Variants in PIK3C2A observed in about 807,000 individuals in gnomAD.
The protein encoded by PIK3C2A is phosphatidylinositol 4-phosphate 3-kinase C2 domain-containing subunit alpha.
In PIK3C2A, 97 loss-of-function variants were observed where a neutral mutation model predicts 204.5. The ratio of observed to expected loss-of-function variants is 0.47; its 90% CI spans 0.40 to 0.56. PIK3C2A has a LOEUF of 0.56. Among genes scored for constraint, PIK3C2A ranks in the 20% least tolerant of loss-of-function variants. PIK3C2A has a pLI of 0.00. For missense variants in PIK3C2A, 1,735 were observed against 1,969.2 expected (o/e 0.88, Z 2.25); for synonymous variants, 653 against 664.4 (o/e 0.98, Z 0.26).
intron 14 of PIK3C2A, 48 bp downstream of exon 14, chr11:17,122,654 G>T (rs552675984): frequency 8.1e-6 from 7 of 863,036 alleles, no homozygotes; most frequent in South Asian, 5.9e-5. Context: ...CACATTTTAT[G>T]AAGAAATTTA....
intron 2 of PIK3C2A, among the ~76,000 whole-genome samples, chr11:17,156,855 T>C (rs1482017304): frequency 6.6e-6 from 1 of 152,092 alleles, no homozygotes; most frequent in African/African-American, 2.4e-5. Context: ...TGAATATCAA[T>C]GTAGCCAGGT....
chr11:17,113,597 C>A (rs1849069579), intron 20 of PIK3C2A, among the ~76,000 whole-genome samples: 3 of 151,436 alleles, frequency 2.0e-5, no homozygotes, highest in Admixed American at 1.3e-4. Context: ...GCCTGGCCAA[C>A]ACGGCGAAAC....
chr11:17,114,336 A>G, intron 20 of PIK3C2A, 25 bp downstream of exon 20: 1 of 1,130,252 alleles, frequency 8.8e-7, no homozygotes, highest in Non-Finnish European at 1.4e-6. Context: ...ATGTAATATG[A>G]ACTTATAAGT....
intron 1 of PIK3C2A, among the ~76,000 whole-genome samples, chr11:17,170,809 AAGGTATATGAC>A (rs765419286): frequency 2.6e-5 from 4 of 152,150 alleles, no homozygotes; most frequent in Non-Finnish European, 4.4e-5. Flanking sequence ...TTAGTTTAAG[AAGGTATATGAC>A]TGGCCGGGCT....
chr11:17,153,349 C>T (rs113433264), intron 3 of PIK3C2A, among the ~76,000 whole-genome samples: 9 of 151,606 alleles, frequency 5.9e-5, no homozygotes, highest in African/African-American at 9.7e-5. Context: ...GCAGGAGAAT[C>T]GCTTGAACCT....
chr11:17,132,774 T>C (rs371480679), intron 11 of PIK3C2A, among the ~76,000 whole-genome samples: 1 of 152,198 alleles, frequency 6.6e-6, no homozygotes, highest in African/African-American at 2.4e-5. Context: ...GCTACTGAAA[T>C]AGAGTCAGCT....
Position 17,097,064 on chromosome 11 carries a change from T to C in PIK3C2A, c.4319A>G (p.Lys1440Arg), listed in dbSNP as rs777081916. Residue 1440 changes from lysine (K) to arginine (R), a missense_variant, in exon 27 of 33, where the codon AAA (lysine) becomes AGA (arginine). Lys to Arg is a conservative substitution (Grantham distance 26, BLOSUM62 2). Transcript: ENST00000691414. The stretch of plus-strand genomic sequence containing the variant: ...TATTGAAATCAAACTTACATAATGT[T>C]TATCTGGGTTGTATTTCTTATGATA... ...FTYHKKYNPDKHYIYVVRILR... is the reference protein window; with the variant it reads ...FTYHKKYNPDRHYIYVVRILR... The C allele has an allele frequency of 2.6e-6, 4 of 1,539,786 alleles. No homozygotes were observed. The highest frequency in any genetic ancestry group is 3.6e-6 in the Non-Finnish European group (4 of 1,113,188).
At chr11:17,165,635 C>T (rs139046299) in intron 2 of PIK3C2A, among the ~76,000 whole-genome samples, 2 of 151,890 alleles carry the variant, frequency 1.3e-5, no homozygotes, top group East Asian at 1.9e-4. Context: ...ATTAGCCGGT[C>T]GTGGTGGTGC....
At chr11:17,185,467 T>C (rs367567807) in intron 1 of PIK3C2A, among the ~76,000 whole-genome samples, 17 of 152,254 alleles carry the variant, frequency 1.1e-4, no homozygotes, top group African/African-American at 3.4e-4. Context: ...ACTGTACACA[T>C]AGGGTTTGGT....
At chr11:17,110,246 C>T (rs535024241) in intron 22 of PIK3C2A, among the ~76,000 whole-genome samples, 186 bp downstream of exon 22, 5 of 152,236 alleles carry the variant, frequency 3.3e-5, no homozygotes, top group Admixed American at 1.3e-4. Context: ...AGCCACTATG[C>T]CCGGCCACTA....
chr11:17,090,296 T>C (rs1848268610), intron 32 of PIK3C2A, among the ~76,000 whole-genome samples: 1 of 152,116 alleles, frequency 6.6e-6, no homozygotes, highest in Non-Finnish European at 1.5e-5. Context: ...TGGAGAAACC[T>C]GTCTCTACTA....
At chr11:17,113,721 G>A (rs185701877) in intron 20 of PIK3C2A, among the ~76,000 whole-genome samples, 7 of 146,470 alleles carry the variant, frequency 4.8e-5, no homozygotes, top group East Asian at 2.0e-4. Context: ...GGCGGAGGTC[G>A]CAATGAGCCG....
At chr11:17,128,148 G>C (rs1205961609) in intron 13 of PIK3C2A, among the ~76,000 whole-genome samples, 1 of 151,944 alleles carries the variant, frequency 6.6e-6, no homozygotes, top group Non-Finnish European at 1.5e-5. Flanking sequence ...TGCTACATAA[G>C]TGTTTGTTAT....
chr11:17,145,106 C>G (rs1850191331), intron 8 of PIK3C2A, among the ~76,000 whole-genome samples: 1 of 151,954 alleles, frequency 6.6e-6, no homozygotes, highest in South Asian at 2.1e-4. Context: ...AAGGGATTTG[C>G]CTTGTCTCAG....
intron 11 of PIK3C2A, 94 bp from the exon 12 acceptor site, chr11:17,132,132 A>G: frequency 2.8e-6 from 2 of 706,332 alleles, no homozygotes; most frequent in Non-Finnish European, 4.6e-6. Context: ...CAAAGAGACT[A>G]ATATCTGAAA....
rs1480787587 is a variant in PIK3C2A at position 17,178,711 on chromosome 11, GAAT to G, written c.-65-8908_-65-8906del. ...TAGCCACCACACCTGGTTGATTTTT[GAAT>G]TTTTTTTTTTTTTTTTTTTTTTTTT... On this transcript the variant is annotated intron_variant, in intron 1 of 32. Transcript: ENST00000691414. 6.7e-3 allele frequency among the ~76,000 whole-genome samples: 602 copies of G among 89,238 alleles called. 151 individuals are homozygous for G. The highest frequency in any genetic ancestry group is 0.024 in the African/African-American group (536 of 22,530). 58.5% of individuals were successfully genotyped at this position (89,238 alleles called of 152,430 possible). A position where few individuals can be genotyped will look rare whatever the true frequency, so the allele number is the denominator to read the frequency against.
chr11:17,134,350 G>A (rs1408646470), intron 11 of PIK3C2A, among the ~76,000 whole-genome samples: 1 of 151,518 alleles, frequency 6.6e-6, no homozygotes, highest in Non-Finnish European at 1.5e-5. Flanking sequence ...GACTACAGGT[G>A]CACACCACCA....
chr11:17,162,855 A>C (rs748391587), intron 2 of PIK3C2A, among the ~76,000 whole-genome samples: 1 of 152,188 alleles, frequency 6.6e-6, no homozygotes, highest in Non-Finnish European at 1.5e-5. Context: ...CCATCATGAA[A>C]TGTCTCTTTC....
intron 1 of PIK3C2A, among the ~76,000 whole-genome samples, chr11:17,192,509 G>A (rs889128911): frequency 9.2e-5 from 14 of 152,120 alleles, no homozygotes; most frequent in African/African-American, 1.4e-4. Context: ...GTACAGTGGC[G>A]CAATCTCAGC....
Sources: gnomAD v4.1 joint callset for allele counts (sites outside exome capture counted in the v4.1 genomes callset) on GRCh38, gnomAD v4.1.1 for gene constraint, MANE v1.5 for transcripts, NCBI Gene and HGNC (gene_info 2026-07-23, HGNC 2026-07-21) for gene names.